TXNL1: variants seen among roughly 807,000 people sequenced by gnomAD.
The protein encoded by TXNL1 is thioredoxin-like protein 1.
A neutral mutation model predicts 35.5 loss-of-function variants in TXNL1; 14 were observed. The observed-to-expected ratio is 0.39, with a 90% CI of 0.26 to 0.62. The LOEUF is 0.62. Ranked by LOEUF, TXNL1 falls within the 20% of genes least tolerant of loss-of-function variation. The pLI, the probability that TXNL1 is intolerant of heterozygous loss-of-function variation, is 0.47. For synonymous variants in TXNL1, 110 were observed against 115.5 expected, an observed-to-expected ratio of 0.95 and a Z score of 0.31; for missense variants, 263 against 349.7, an observed-to-expected ratio of 0.75 and a Z score of 1.98.
chr18:56,638,107 A>G (rs923020248), intron 1 of TXNL1, among the ~76,000 whole-genome samples: 11 of 152,122 alleles, frequency 7.2e-5, no homozygotes, highest in African/African-American at 2.7e-4. Context: ...AGCAGGTGAG[A>G]AATCTCCTGA....
chr18:56,628,170 G>A (rs186746939), intron 1 of TXNL1, among the ~76,000 whole-genome samples: 7 of 152,230 alleles, frequency 4.6e-5, no homozygotes, highest in African/African-American at 1.7e-4. Context: ...GGGATACCCG[G>A]GAAATGCAGA....
At chr18:56,632,357 C>T (rs971698259) in intron 1 of TXNL1, among the ~76,000 whole-genome samples, 1 of 152,012 alleles carries the variant, frequency 6.6e-6, no homozygotes. Flanking sequence ...GTTTACTAAT[C>T]GGCAGGCTTA....
intron 6 of TXNL1, among the ~76,000 whole-genome samples, chr18:56,614,080 T>C (rs570323939): frequency 1.3e-5 from 2 of 152,068 alleles, no homozygotes; most frequent in Non-Finnish European, 2.9e-5. Flanking sequence ...TCAAGAAAAG[T>C]AAATAAGATT....
At position 56,613,807 on chromosome 18, in the gene TXNL1, C is replaced by A. The variant is rs2024036163; in HGVS notation, c.735+617G>T. Among the ~76,000 whole-genome samples, 3 of 152,118 alleles carry A rather than the reference C, an allele frequency of 2.0e-5. No individual in the cohort carries two copies. The South Asian group carries it at 6.2e-4, about 32-fold the overall frequency. The stretch of plus-strand genomic sequence containing the variant: ...GCCTGGACAACAAAGCAAGAACCTG[C>A]CTCAAAGGAAGAAAAAATTCAGATA... On this transcript the variant is annotated intron_variant, in intron 6 of 7. Coordinates refer to ENST00000217515, the MANE Select transcript of TXNL1 (RefSeq NM_004786.3).
chr18:56,624,237 T>C, intron 3 of TXNL1, 51 bp downstream of exon 3: 4 of 1,505,144 alleles, frequency 2.7e-6, no homozygotes, highest in Non-Finnish European at 3.6e-6. Context: ...AGCCCAATAA[T>C]GACATGTACA....
chr18:56,606,823 A>C (rs949547461), intron 7 of TXNL1, among the ~76,000 whole-genome samples: 2 of 152,200 alleles, frequency 1.3e-5, no homozygotes, highest in Non-Finnish European at 2.9e-5. Context: ...CTCCTTATCC[A>C]TGCTTTCACT....
chr18:56,615,036 A>G (rs771797730), intron 5 of TXNL1, among the ~76,000 whole-genome samples: 1 of 152,238 alleles, frequency 6.6e-6, no homozygotes, highest in Non-Finnish European at 1.5e-5. Flanking sequence ...TAGTTGGTAC[A>G]TTCAGTTATT....
intron 4 of TXNL1, among the ~76,000 whole-genome samples, 188 bp downstream of exon 4, chr18:56,617,816 A>C (rs1297004951): frequency 6.6e-6 from 1 of 152,128 alleles, no homozygotes; most frequent in Non-Finnish European, 1.5e-5. Context: ...GGCAGCCCAC[A>C]TACAAGAACA....
In TXNL1 at chr18:56,614,421, T is replaced by TA; in HGVS notation, c.735+2dup. The TA allele has an allele frequency of 6.2e-7, 1 of 1,610,074 alleles. No homozygotes were observed. Among genetic ancestry groups the TA allele is most frequent in the South Asian group, 1.1e-5 (1 of 90,646 alleles). On this transcript the variant is annotated splice_region_variant and intron_variant, in intron 6 of 7. Transcript: ENST00000217515. ...AAATACATATGAACGAAATACTACT[T>TA]ACAGTTACACTGTTAACATTCTGAA...
At chr18:56,627,820 C>T (rs2024309754) in intron 1 of TXNL1, among the ~76,000 whole-genome samples, 3 of 147,828 alleles carry the variant, frequency 2.0e-5, no homozygotes, top group African/African-American at 5.0e-5. Context: ...AAACCTCAAA[C>T]TAAGCAATGA....
At chr18:56,636,361 T>C (rs931958866) in intron 1 of TXNL1, among the ~76,000 whole-genome samples, 6 of 152,170 alleles carry the variant, frequency 3.9e-5, no homozygotes, top group African/African-American at 1.4e-4. Flanking sequence ...CTGAATACAG[T>C]TGTTTCTGAG....
At chr18:56,619,930 C>G (rs2144309819) in intron 3 of TXNL1, among the ~76,000 whole-genome samples, 1 of 152,164 alleles carries the variant, frequency 6.6e-6, no homozygotes, top group Non-Finnish European at 1.5e-5. Context: ...CTAACATAAA[C>G]AACTCTTACA....
Position 56,616,374 on chromosome 18 carries a change from A to G in TXNL1, c.493-60T>C, listed in dbSNP as rs2024086940. On this transcript the variant is annotated intron_variant, in intron 4 of 7. Transcript: ENST00000217515. ...TGTACACACCTTGAGTACATAAACT[A>G]CTGAAGCAGAATGAAAATAACAGGC... 2.8e-6 allele frequency: 4 copies of G among 1,411,346 alleles called. No homozygotes were observed. In the East Asian group the frequency reaches 9.2e-5, roughly 33 times the overall value. The allele number at this position is 1,411,346 out of a possible 1,614,324, so 87.4% of individuals were successfully genotyped here.
chr18:56,618,734 G>A (rs2024130918), intron 3 of TXNL1, among the ~76,000 whole-genome samples: 1 of 149,120 alleles, frequency 6.7e-6, no homozygotes, highest in East Asian at 2.0e-4. Flanking sequence ...GAACATTTCA[G>A]TATGAATTTC....
At position 56,599,193 on chromosome 18, in the gene TXNL1, A is replaced by G. The variant is rs2023778264; in HGVS notation, c.*3834T>C. ...CTAATTACACATTCTCCAACTAATA[A>G]TTTTACATGGACCACAAAGTTTAAA... On this transcript the variant is annotated 3_prime_UTR_variant, in exon 8 of 8. Coordinates refer to ENST00000217515, the MANE Select transcript of TXNL1 (RefSeq NM_004786.3). The G allele has an allele frequency of 1.3e-5, 2 of 152,042 alleles. No homozygotes were observed. The highest frequency in any genetic ancestry group is 2.4e-5 in the African/African-American group (1 of 41,382). 9.4% of individuals were successfully genotyped at this position (152,042 alleles called of 1,614,324 possible). A position where few individuals can be genotyped will look rare whatever the true frequency, so the allele number is the denominator to read the frequency against.
chr18:56,631,573 T>C (rs2024371127), intron 1 of TXNL1, among the ~76,000 whole-genome samples: 1 of 152,204 alleles, frequency 6.6e-6, no homozygotes, highest in Non-Finnish European at 1.5e-5. Context: ...TTTTGAGTTA[T>C]GCTGTTTGAG....
At position 56,599,245 on chromosome 18, in the gene TXNL1, C is replaced by T. The variant is rs2023779380; in HGVS notation, c.*3782G>A. On this transcript the variant is annotated 3_prime_UTR_variant, in exon 8 of 8. Transcript: ENST00000217515. ...GCGATCTTATTAGCCTACAAATCTC[C>T]ACTGTCCTCTTATTCCTATAGTGCT... 2 of 150,964 alleles carry T rather than the reference C, an allele frequency of 1.3e-5. No homozygotes were observed. Among genetic ancestry groups the T allele is most frequent in the Admixed American group, 1.3e-4 (2 of 15,200 alleles). The allele number at this position is 150,964 out of a possible 1,614,324, so 9.4% of individuals were successfully genotyped here.
At chr18:56,610,344 A>C (rs1047837257) in intron 7 of TXNL1, 5 of 152,292 alleles carry the variant, frequency 3.3e-5, no homozygotes, top group African/African-American at 1.2e-4. Flanking sequence ...CGTTCCAGTA[A>C]TGTACAGAAG....
At chr18:56,607,882 T>C (rs1054759189) in intron 7 of TXNL1, among the ~76,000 whole-genome samples, 4 of 152,042 alleles carry the variant, frequency 2.6e-5, no homozygotes, top group Admixed American at 6.6e-5. Flanking sequence ...AGTAAACCCA[T>C]TGTAAGGTGA....
Sources: allele counts gnomAD v4.1 joint callset (sites outside exome capture counted in the v4.1 genomes callset), GRCh38; gene constraint gnomAD v4.1.1; transcripts MANE v1.5; gene names NCBI Gene and HGNC (gene_info 2026-07-23, HGNC 2026-07-21).